SCAPER: variants seen among roughly 807,000 people sequenced by gnomAD.
SCAPER encodes S phase cyclin A-associated protein in the endoplasmic reticulum.
Under a neutral mutation model 182.2 loss-of-function variants are expected in SCAPER, and 98 were observed. The ratio of observed to expected loss-of-function variants is 0.54; its 90% CI spans 0.46 to 0.64. The LOEUF is 0.64. SCAPER is among the 30% of genes least tolerant of loss of function. The probability of loss-of-function intolerance (pLI) is 0.00; values close to 1 mark genes in which losing one functional copy is unlikely to be tolerated. For missense variants in SCAPER, 1,432 were observed against 1,690.0 expected (o/e 0.85, Z 2.68); for synonymous variants, 605 against 564.6 (o/e 1.07, Z -1.01).
intron 22 of SCAPER, among the ~76,000 whole-genome samples, chr15:76,585,993 C>T (rs1054945302): frequency 2.0e-5 from 3 of 152,130 alleles, no homozygotes; most frequent in Non-Finnish European, 2.9e-5. Flanking sequence ...TTGTATCTCC[C>T]AACCTAGGAA....
chr15:76,846,386 G>C (rs559668331), intron 4 of SCAPER, among the ~76,000 whole-genome samples: 1 of 151,932 alleles, frequency 6.6e-6, no homozygotes, highest in East Asian at 1.9e-4. Flanking sequence ...GCACAGCAAA[G>C]GAAACAATCA....
Position 76,871,195 on chromosome 15 carries a change from G to A in SCAPER, c.7-8662C>T, listed in dbSNP as rs1429195005. ...GAGTTCAAGGCGGGCGGATCATGAGGTCAGGAGGTTGAGACCATCCTGGCT... is the reference window on the plus strand; with the variant it reads ...GAGTTCAAGGCGGGCGGATCATGAGATCAGGAGGTTGAGACCATCCTGGCT... On this transcript the variant is annotated intron_variant, in intron 2 of 31. Transcript: ENST00000563290. Among the ~76,000 whole-genome samples, 3 of 152,106 alleles carry A rather than the reference G, an allele frequency of 2.0e-5. No homozygotes were observed. In the South Asian group the frequency reaches 6.2e-4, roughly 32 times the overall value.
At chr15:76,561,827 GT>G (rs34809622) in intron 23 of SCAPER, among the ~76,000 whole-genome samples, 114,448 of 138,516 alleles carry the variant, frequency 0.83, 47,681 homozygotes, top group Middle Eastern at 0.92. Context: ...CCTAGTATTA[GT>G]TTTTTTTTTT....
intron 22 of SCAPER, among the ~76,000 whole-genome samples, chr15:76,621,402 G>A (rs2052038319): frequency 6.6e-6 from 1 of 152,166 alleles, no homozygotes; most frequent in Non-Finnish European, 1.5e-5. Context: ...CACCAGCACA[G>A]CCTTGCTTTG....
chr15:76,488,615 T>C (rs1461107166), intron 24 of SCAPER, among the ~76,000 whole-genome samples: 1 of 151,956 alleles, frequency 6.6e-6, no homozygotes, highest in Non-Finnish European at 1.5e-5. Context: ...AGTCATTTGC[T>C]TGTCTGAAGC....
chr15:76,708,044 A>G (rs1242477861), intron 17 of SCAPER, among the ~76,000 whole-genome samples: 3 of 152,104 alleles, frequency 2.0e-5, no homozygotes, highest in Non-Finnish European at 4.4e-5. Context: ...CTCAGTATCC[A>G]AGGGGGATTG....
intron 6 of SCAPER, among the ~76,000 whole-genome samples, chr15:76,801,794 C>A (rs1203266472): frequency 6.6e-6 from 1 of 151,974 alleles, no homozygotes; most frequent in Non-Finnish European, 1.5e-5. Context: ...GTGGCGGGTG[C>A]CTGTAATCCC....
At chr15:76,551,090 A>G (rs548913307) in intron 23 of SCAPER, among the ~76,000 whole-genome samples, 1 of 152,276 alleles carries the variant, frequency 6.6e-6, no homozygotes, top group East Asian at 1.9e-4. Context: ...AGAAATGGGA[A>G]CACTTTCACA....
chr15:76,378,043 T>C (rs1293481943), intron 28 of SCAPER, among the ~76,000 whole-genome samples: 1 of 152,224 alleles, frequency 6.6e-6, no homozygotes, highest in Non-Finnish European at 1.5e-5. Context: ...GATGAGGAAA[T>C]GGAGTCTTAA....
At chr15:76,731,802 T>TAA (rs1372686271) in intron 16 of SCAPER, among the ~76,000 whole-genome samples, 2 of 152,240 alleles carry the variant, frequency 1.3e-5, no homozygotes, top group East Asian at 3.8e-4. Flanking sequence ...AAACAATTCT[T>TAA]AAAGTGTTGG....
At chr15:76,506,272 T>C (rs2041573060) in intron 23 of SCAPER, among the ~76,000 whole-genome samples, 1 of 152,196 alleles carries the variant, frequency 6.6e-6, no homozygotes, top group South Asian at 2.1e-4. Flanking sequence ...TTGGATTGTT[T>C]GTAACACAAA....
intron 24 of SCAPER, among the ~76,000 whole-genome samples, chr15:76,471,651 C>G (rs934511029): frequency 5.9e-5 from 9 of 152,076 alleles, no homozygotes; most frequent in Admixed American, 5.9e-4. Flanking sequence ...ATCTAGGAAC[C>G]TTGGTTCTTG....
At chr15:76,550,370 C>T (rs965137697) in intron 23 of SCAPER, among the ~76,000 whole-genome samples, 5 of 152,106 alleles carry the variant, frequency 3.3e-5, no homozygotes, top group African/African-American at 9.7e-5. Flanking sequence ...ACAGGCTCCA[C>T]TGCATACTGT....
At chr15:76,829,316 G>T (rs111947674) in intron 5 of SCAPER, among the ~76,000 whole-genome samples, 3 of 151,984 alleles carry the variant, frequency 2.0e-5, no homozygotes, top group Admixed American at 6.6e-5. Flanking sequence ...AAGGTGGGAG[G>T]GGACACAAGA....
intron 29 of SCAPER, among the ~76,000 whole-genome samples, chr15:76,361,463 C>CAAGAAA (rs1245674135): frequency 6.6e-6 from 1 of 152,196 alleles, no homozygotes; most frequent in Non-Finnish European, 1.5e-5. Flanking sequence ...CAGTTACTTA[C>CAAGAAA]AAGAAAGTCT....
intron 23 of SCAPER, among the ~76,000 whole-genome samples, chr15:76,545,322 C>T (rs552095644): frequency 6.6e-6 from 1 of 152,094 alleles, no homozygotes; most frequent in Non-Finnish European, 1.5e-5. Flanking sequence ...ATCTCTGGCT[C>T]ATCCTGAACA....
chr15:76,791,921 A>G (rs1250295667), intron 8 of SCAPER, among the ~76,000 whole-genome samples: 1 of 151,684 alleles, frequency 6.6e-6, no homozygotes, highest in African/African-American at 2.4e-5. Flanking sequence ...AGGGAGATGG[A>G]GAACAAATGA....
rs2068099079 is a variant in SCAPER, at chr15:76,827,338, T to G, written c.393+14396A>C. ...CGTCTCCACTTGGAATCCCATAGCC[T>G]GTGGACTCGGTCCTGAGGACTCAGC... On this transcript the variant is annotated intron_variant, in intron 5 of 31. Coordinates refer to ENST00000563290, the MANE Select transcript of SCAPER (RefSeq NM_020843.4). Among the ~76,000 whole-genome samples, 4 of 151,678 alleles carry G rather than the reference T, an allele frequency of 2.6e-5. 1 individual carries two copies. The South Asian group carries it at 8.3e-4, about 31-fold the overall frequency.
chr15:76,548,028 C>T (rs992166634), intron 23 of SCAPER, among the ~76,000 whole-genome samples: 2 of 152,036 alleles, frequency 1.3e-5, no homozygotes, highest in Admixed American at 6.6e-5. Context: ...AAACTATGAG[C>T]ATCCTGGATC....
Sources: allele counts gnomAD v4.1 joint callset (sites outside exome capture counted in the v4.1 genomes callset), GRCh38; gene constraint gnomAD v4.1.1; transcripts MANE v1.5; gene names NCBI Gene and HGNC (gene_info 2026-07-23, HGNC 2026-07-21).